The following GMDS variants were observed in gnomAD, a reference collection of about 807,000 sequenced individuals.
GMDS encodes the protein GDP-mannose 4,6 dehydratase.
Under a neutral mutation model 49.9 loss-of-function variants are expected in GMDS, and 20 were observed. The observed-to-expected ratio is 0.40, with a 90% CI of 0.28 to 0.58. The LOEUF (loss-of-function observed/expected upper bound fraction) is 0.58. Ranked by LOEUF, GMDS falls within the 20% of genes least tolerant of loss-of-function variation. The probability of loss-of-function intolerance (pLI) is 0.42; values close to 1 mark genes in which losing one functional copy is unlikely to be tolerated. For synonymous variants in GMDS, 177 were observed against 178.6 expected (o/e 0.99, Z 0.07); for missense variants, 362 against 481.4 (o/e 0.75, Z 2.32).
At chr6:2,079,626 G>C (rs1161093922) in intron 4 of GMDS, among the ~76,000 whole-genome samples, 4 of 152,046 alleles carry the variant, frequency 2.6e-5, no homozygotes, top group African/African-American at 9.7e-5. Flanking sequence ...TACTTTGAAT[G>C]TATCATTCTT....
At chr6:2,030,399 T>C (rs1449643835) in intron 4 of GMDS, among the ~76,000 whole-genome samples, 1 of 152,190 alleles carries the variant, frequency 6.6e-6, no homozygotes. Flanking sequence ...TTCTCCAGCA[T>C]CTGCGAATTT....
intron 1 of GMDS, among the ~76,000 whole-genome samples, chr6:2,230,572 C>T (rs761296362): frequency 2.6e-5 from 4 of 152,014 alleles, no homozygotes; most frequent in Non-Finnish European, 2.9e-5. Context: ...CTTTTGGTAA[C>T]GCTTAAATAG....
At chr6:1,785,346 G>C (rs1442397164) in intron 7 of GMDS, among the ~76,000 whole-genome samples, 1 of 152,206 alleles carries the variant, frequency 6.6e-6, no homozygotes, top group Non-Finnish European at 1.5e-5. Flanking sequence ...CAAGTAGCAA[G>C]AACAAATTGC....
At chr6:2,243,897 T>C (rs943247932) in intron 1 of GMDS, among the ~76,000 whole-genome samples, 7 of 126,800 alleles carry the variant, frequency 5.5e-5, no homozygotes, top group African/African-American at 1.8e-4. Flanking sequence ...CTCACTCTCT[T>C]GCCCCAGGCT....
At chr6:1,863,648 A>T (rs1758303746) in intron 7 of GMDS, among the ~76,000 whole-genome samples, 1 of 152,204 alleles carries the variant, frequency 6.6e-6, no homozygotes, top group South Asian at 2.1e-4. Flanking sequence ...TACAAATGAA[A>T]ATTCTTCTTT....
chr6:1,876,536 A>T (rs1024690306), intron 7 of GMDS, among the ~76,000 whole-genome samples: 1 of 152,168 alleles, frequency 6.6e-6, no homozygotes, highest in Non-Finnish European at 1.5e-5. Context: ...AGGAGGTTTG[A>T]GTAGAAAGAC....
intron 4 of GMDS, among the ~76,000 whole-genome samples, chr6:1,964,135 G>A (rs1461194011): frequency 6.6e-6 from 1 of 152,186 alleles, no homozygotes; most frequent in African/African-American, 2.4e-5. Flanking sequence ...TTTGTGGATT[G>A]CAGATTAAGA....
chr6:1,949,167 T>A (rs1205282094), intron 6 of GMDS: 1 of 214,140 alleles, frequency 4.7e-6, no homozygotes, highest in Non-Finnish European at 8.0e-6. Flanking sequence ...CAAAATCTAC[T>A]ATGCACTGTA....
At chr6:1,768,987 T>C (rs1440416596) in intron 7 of GMDS, among the ~76,000 whole-genome samples, 1 of 152,210 alleles carries the variant, frequency 6.6e-6, no homozygotes, top group African/African-American at 2.4e-5. Context: ...CAGAATAATA[T>C]GCCCAGGAGA....
At chr6:2,200,689 A>G (rs1045246435) in intron 1 of GMDS, among the ~76,000 whole-genome samples, 2 of 149,888 alleles carry the variant, frequency 1.3e-5, no homozygotes, top group African/African-American at 4.9e-5. Context: ...CAGTGAGGGC[A>G]GCATGTTAGC....
chr6:1,763,813 G>A (rs1033737943), intron 7 of GMDS, among the ~76,000 whole-genome samples: 2 of 152,166 alleles, frequency 1.3e-5, no homozygotes, highest in African/African-American at 4.8e-5. Context: ...AACTTTGCTA[G>A]GACCACTAGT....
At chr6:2,081,709 A>G (rs1295652435) in intron 4 of GMDS, among the ~76,000 whole-genome samples, 5 of 152,110 alleles carry the variant, frequency 3.3e-5, no homozygotes, top group Admixed American at 2.6e-4. Context: ...TCCTTACAGT[A>G]TGGGTTTGAT....
chr6:1,960,535 G>A (rs191312925), intron 5 of GMDS, among the ~76,000 whole-genome samples: 3 of 152,300 alleles, frequency 2.0e-5, no homozygotes, highest in East Asian at 3.9e-4. Flanking sequence ...GAATGAACAT[G>A]GGTTGGTGAA....
At chr6:2,198,373 A>T (rs778857025) in intron 1 of GMDS, among the ~76,000 whole-genome samples, 29 of 152,232 alleles carry the variant, frequency 1.9e-4, no homozygotes, top group South Asian at 4.1e-4. Context: ...GAAATGAAAT[A>T]CATCCAAAAT....
chr6:1,665,793 G>A lies in GMDS; in HGVS notation c.988-41253C>T, dbSNP rs1341476994. Among the ~76,000 whole-genome samples the A allele has an allele frequency of 2.6e-5, 4 of 152,188 alleles. No individual in the cohort carries two copies. In the South Asian group the frequency reaches 8.3e-4, roughly 32 times the overall value. Reference sequence around the variant, plus strand: ...ATAGCTAAACAGCCCTAGAAAAACAGGGTCTGTGTACATATCATCATGTCT... The same window carrying A: ...ATAGCTAAACAGCCCTAGAAAAACAAGGTCTGTGTACATATCATCATGTCT... On this transcript the variant is annotated intron_variant, in intron 9 of 10. Transcript: ENST00000380815.
intron 9 of GMDS, among the ~76,000 whole-genome samples, chr6:1,626,606 C>T (rs1318058498): frequency 1.3e-5 from 2 of 152,200 alleles, no homozygotes; most frequent in African/African-American, 2.4e-5. Flanking sequence ...AATCCTATAG[C>T]GGCTAGACGG....
At chr6:2,206,959 C>A (rs1422873199) in intron 1 of GMDS, among the ~76,000 whole-genome samples, 1 of 152,180 alleles carries the variant, frequency 6.6e-6, no homozygotes, top group Non-Finnish European at 1.5e-5. Flanking sequence ...AAACCACACT[C>A]CCAGAAGTCT....
chr6:1,714,821 A>G (rs1023509854), intron 9 of GMDS, among the ~76,000 whole-genome samples: 2 of 152,260 alleles, frequency 1.3e-5, no homozygotes, highest in Admixed American at 6.5e-5. Context: ...TCAAGATACT[A>G]TGAGATTTTC....
intron 7 of GMDS, among the ~76,000 whole-genome samples, chr6:1,779,012 G>T (rs779701042): frequency 1.3e-4 from 20 of 152,274 alleles, no homozygotes; most frequent in Non-Finnish European, 2.9e-4. Flanking sequence ...CCCTGGACCA[G>T]TCCTGGCTGG....
Sources: allele counts gnomAD v4.1 joint callset (sites outside exome capture counted in the v4.1 genomes callset), GRCh38; gene constraint gnomAD v4.1.1; transcripts MANE v1.5; gene names NCBI Gene and HGNC (gene_info 2026-07-23, HGNC 2026-07-21).